The following MATCAP2 variants were observed in gnomAD, a reference collection of about 807,000 sequenced individuals.
MATCAP2 encodes microtubule associated tyrosine carboxypeptidase 2, also known as putative tyrosine carboxypeptidase MATCAP2.
At chr7:36,365,431 G>T in the MATCAP2 span, among the ~76,000 whole-genome samples, 24 of 152,188 alleles carry the variant, frequency 1.6e-4, no homozygotes, top group Non-Finnish European at 3.4e-4. Context: ...TGGGCACAGT[G>T]GTTCATGCCT....
chr7:36,356,096 C>T, the MATCAP2 span: 1 of 152,172 alleles, frequency 6.6e-6, no homozygotes, highest in African/African-American at 2.4e-5. Context: ...TTCAGTGAAG[C>T]ATTAACAAGT....
chr7:36,337,307 C>T, the MATCAP2 span, among the ~76,000 whole-genome samples: 6 of 151,756 alleles, frequency 4.0e-5, no homozygotes, highest in Non-Finnish European at 5.9e-5. Flanking sequence ...TTCACATATG[C>T]ACAAATTAAC....
At chr7:36,326,738 A>G in the MATCAP2 span, 3 of 1,601,878 alleles carry the variant, frequency 1.9e-6, no homozygotes, top group South Asian at 1.1e-5. Context: ...TAGCTTAGCT[A>G]TGTTTGCCAG....
At chr7:36,369,375 T>C in the MATCAP2 span, among the ~76,000 whole-genome samples, 1 of 152,216 alleles carries the variant, frequency 6.6e-6, no homozygotes, top group African/African-American at 2.4e-5. Context: ...GGAAAAAGGC[T>C]CTAAATTAAC....
the MATCAP2 span, among the ~76,000 whole-genome samples, chr7:36,345,580 T>C: frequency 1.3e-5 from 2 of 152,186 alleles, no homozygotes; most frequent in East Asian, 3.8e-4. Context: ...TTTATTCTCC[T>C]CTATTAAAAT....
the MATCAP2 span, chr7:36,326,818 A>G: frequency 1.2e-6 from 2 of 1,613,972 alleles, no homozygotes; most frequent in African/African-American, 2.7e-5. Context: ...GATCTTCTCT[A>G]AGTGTTCCAT....
At chr7:36,343,538 GGGAGA>G in the MATCAP2 span, among the ~76,000 whole-genome samples, 1 of 16,588 alleles carries the variant, frequency 6.0e-5, no homozygotes, top group Non-Finnish European at 1.3e-4. Context: ...GGGAGGGGAG[GGGAGA>G]GGAGGGGAGG....
chr7:36,366,438 A>G, the MATCAP2 span, among the ~76,000 whole-genome samples: 1 of 152,242 alleles, frequency 6.6e-6, no homozygotes, highest in Non-Finnish European at 1.5e-5. Context: ...AAAATGGCCT[A>G]TTAATAATAT....
At chr7:36,337,123 A>C in the MATCAP2 span, among the ~76,000 whole-genome samples, 1 of 145,484 alleles carries the variant, frequency 6.9e-6, no homozygotes. Context: ...AAAAAAAAAA[A>C]AAGCAATCAG....
At chr7:36,331,143 C>T in the MATCAP2 span, 2 of 932,440 alleles carry the variant, frequency 2.1e-6, no homozygotes, top group Non-Finnish European at 3.5e-6. Context: ...AGATATCAAC[C>T]CATTCCATTT....
the MATCAP2 span, chr7:36,367,169 C>T: frequency 1.7e-6 from 2 of 1,204,106 alleles, no homozygotes; most frequent in Non-Finnish European, 2.1e-6. Flanking sequence ...GTACACACGG[C>T]GGCCTTACGG....
the MATCAP2 span, chr7:36,366,959 G>A: frequency 3.0e-6 from 4 of 1,351,452 alleles, no homozygotes; most frequent in South Asian, 5.7e-5. Context: ...CGAGGCCCGG[G>A]GCGGCGGGCT....
At chr7:36,339,249 A>G in the MATCAP2 span, among the ~76,000 whole-genome samples, 1 of 152,228 alleles carries the variant, frequency 6.6e-6, no homozygotes, top group African/African-American at 2.4e-5. Flanking sequence ...ATAATTCAAC[A>G]TATATATCAC....
the MATCAP2 span, among the ~76,000 whole-genome samples, chr7:36,382,938 T>C: frequency 6.6e-6 from 1 of 152,364 alleles, no homozygotes; most frequent in African/African-American, 2.4e-5. Context: ...ATATCCTTAT[T>C]AACCACGTGA....
chr7:36,360,028 G>A, the MATCAP2 span, among the ~76,000 whole-genome samples: 2 of 152,176 alleles, frequency 1.3e-5, no homozygotes, highest in Non-Finnish European at 2.9e-5. Context: ...AAATCAGGTT[G>A]TTTTCTCAGT....
At chr7:36,333,767 G>C in the MATCAP2 span, 1 of 1,134,954 alleles carries the variant, frequency 8.8e-7, no homozygotes, top group African/African-American at 1.5e-5. Context: ...TTAAGTAAGT[G>C]AATTTTGTGA....
chr7:36,386,447 A>ATG, the MATCAP2 span, among the ~76,000 whole-genome samples: 1,581 of 148,524 alleles, frequency 0.011, 23 homozygotes, highest in South Asian at 0.049. Flanking sequence ...GTATGTGTGT[A>ATG]TGTGTGTGTG....
the MATCAP2 span, among the ~76,000 whole-genome samples, chr7:36,382,870 A>G: frequency 6.6e-6 from 1 of 152,224 alleles, no homozygotes; most frequent in African/African-American, 2.4e-5. Flanking sequence ...AGTACATAAA[A>G]TAATTCTTAC....
At chr7:36,326,600 A>G in the MATCAP2 span, 1 of 481,888 alleles carries the variant, frequency 2.1e-6, no homozygotes, top group Non-Finnish European at 3.5e-6. Context: ...AAATAGTTTA[A>G]GATCTGTACT....
Sources: allele counts gnomAD v4.1 joint callset (sites outside exome capture counted in the v4.1 genomes callset), GRCh38; gene constraint gnomAD v4.1.1; transcripts MANE v1.5; gene names NCBI Gene and HGNC (gene_info 2026-07-23, HGNC 2026-07-21).